Variants in CCDC171 observed in about 807,000 individuals in gnomAD.
The protein encoded by CCDC171 is coiled-coil domain-containing protein 171.
In CCDC171, 177 loss-of-function variants were observed where a neutral mutation model predicts 168.2. The observed-to-expected ratio is 1.05, with a 90% confidence interval of 0.93 to 1.19. CCDC171 has a LOEUF of 1.19. Ranked by LOEUF, CCDC171 falls within the 50% of genes most tolerant of loss-of-function variation. The probability of loss-of-function intolerance (pLI) is 0.00; values close to 1 mark genes in which losing one functional copy is unlikely to be tolerated. For synonymous variants in CCDC171, 687 were observed against 540.8 expected, an observed-to-expected ratio of 1.27 and a Z score of -3.75; for missense variants, 1,991 against 1,539.0, an observed-to-expected ratio of 1.29 and a Z score of -4.91.
At chr9:15,927,058 G>A (rs971559180) in intron 25 of CCDC171, among the ~76,000 whole-genome samples, 5 of 151,590 alleles carry the variant, frequency 3.3e-5, no homozygotes, top group African/African-American at 1.2e-4. Context: ...AAAAACATAT[G>A]TCATGTCATT....
Position 15,591,461 on chromosome 9 carries a change from C to G in CCDC171, c.448C>G (p.His150Asp). 6.2e-7 allele frequency: 1 copy of G among 1,607,168 alleles called. No individual in the cohort carries two copies. The change falls in exon 5 of 26, where the codon CAT (histidine) becomes GAT (aspartate). Residue 150 changes from histidine to aspartate, a missense_variant. Transcript: ENST00000380701. The stretch of plus-strand genomic sequence containing the variant: ...GAAAGAAGAATGCAGAAGATTTGAA[C>G]ATGATTTGGAGGAAAGAGACAATAT... Reference protein sequence around the residue: ...KWKEECRRFEHDLEERDNMIQ... With the variant: ...KWKEECRRFEDDLEERDNMIQ...
chr9:15,755,355 A>G, intron 18 of CCDC171, among the ~76,000 whole-genome samples: 1 of 152,178 alleles, frequency 6.6e-6, no homozygotes, highest in East Asian at 1.9e-4. Context: ...ATGCTTTGGA[A>G]AAGAGTCTGG....
chr9:15,958,377 T>G (rs1830012842), intron 25 of CCDC171, among the ~76,000 whole-genome samples: 1 of 152,054 alleles, frequency 6.6e-6, no homozygotes, highest in African/African-American at 2.4e-5. Context: ...TTTAATTTTA[T>G]ATTAAATTTT....
intron 23 of CCDC171, among the ~76,000 whole-genome samples, chr9:15,864,848 C>G (rs2061709495): frequency 6.6e-6 from 1 of 151,902 alleles, no homozygotes; most frequent in Non-Finnish European, 1.5e-5. Context: ...GAAGAAGAAG[C>G]TAATAATTTT....
chr9:16,018,931 G>T (rs1271810350), intron 3 of CCDC171, among the ~76,000 whole-genome samples: 1 of 152,110 alleles, frequency 6.6e-6, no homozygotes, highest in East Asian at 1.9e-4. Flanking sequence ...ATGCCTTTTT[G>T]CCATTTGACT....
At chr9:15,771,909 T>C (rs1483148983) in intron 18 of CCDC171, among the ~76,000 whole-genome samples, 1 of 152,168 alleles carries the variant, frequency 6.6e-6, no homozygotes. Flanking sequence ...CTCAGTTCAC[T>C]GCAACCTCTG....
intron 1 of CCDC171, among the ~76,000 whole-genome samples, chr9:16,050,612 C>T (rs1240196469): frequency 4.6e-5 from 7 of 152,260 alleles, no homozygotes; most frequent in Admixed American, 2.6e-4. Flanking sequence ...GGTTCTAATT[C>T]GTTTTATGCA....
intron 18 of CCDC171, among the ~76,000 whole-genome samples, chr9:15,754,498 G>C (rs968575999): frequency 6.6e-6 from 1 of 152,106 alleles, no homozygotes; most frequent in Non-Finnish European, 1.5e-5. Context: ...TGTGAATGTA[G>C]AGTATAACAT....
intron 3 of CCDC171, among the ~76,000 whole-genome samples, chr9:15,573,302 G>C (rs796098197): frequency 1.3e-5 from 2 of 152,112 alleles, no homozygotes; most frequent in African/African-American, 4.8e-5. Flanking sequence ...TTGAGACGAA[G>C]TCTCGCTCTG....
At chr9:15,808,434 G>C (rs2059173756) in intron 21 of CCDC171, among the ~76,000 whole-genome samples, 2 of 152,216 alleles carry the variant, frequency 1.3e-5, no homozygotes, top group African/African-American at 4.8e-5. Flanking sequence ...AGGGATGATA[G>C]AGTCCAAACA....
intron 3 of CCDC171, among the ~76,000 whole-genome samples, chr9:15,993,626 G>A (rs1009525173): frequency 2.0e-5 from 3 of 152,164 alleles, no homozygotes; most frequent in African/African-American, 7.2e-5. Flanking sequence ...CTTCTGCACA[G>A]CAAAAGAAAC....
At chr9:16,107,556 C>G in the CCDC171 span, among the ~76,000 whole-genome samples, 2 of 152,112 alleles carry the variant, frequency 1.3e-5, no homozygotes, top group African/African-American at 4.8e-5. Context: ...GTGTATCACA[C>G]ACACACATAT....
At chr9:16,038,469 G>C (rs1833512432), upstream of CCDC171, among the ~76,000 whole-genome samples, 1 of 152,112 alleles carries the variant, frequency 6.6e-6, no homozygotes, top group African/African-American at 2.4e-5. Flanking sequence ...TAGGTAAGTA[G>C]AAATGACATT....
At chr9:15,577,121 CTCT>C (rs1317131908) in intron 3 of CCDC171, among the ~76,000 whole-genome samples, 1 of 152,186 alleles carries the variant, frequency 6.6e-6, no homozygotes, top group East Asian at 1.9e-4. Flanking sequence ...CCTGGTGAAA[CTCT>C]TCATTGAACT....
chr9:15,969,012 A>G (rs1018103454), intron 25 of CCDC171, among the ~76,000 whole-genome samples: 71 of 152,340 alleles, frequency 4.7e-4, no homozygotes, highest in African/African-American at 1.7e-3. Context: ...TTTGGGGGGT[A>G]CAAGACTTTA....
chr9:15,775,561 G>A (rs1051567358), intron 18 of CCDC171, among the ~76,000 whole-genome samples: 4 of 152,066 alleles, frequency 2.6e-5, no homozygotes, highest in African/African-American at 4.8e-5. Flanking sequence ...CTCGTGATCT[G>A]CCTGCCTTAG....
At chr9:15,648,073 G>A (rs2047193687) in intron 7 of CCDC171, among the ~76,000 whole-genome samples, 1 of 152,240 alleles carries the variant, frequency 6.6e-6, no homozygotes, top group Admixed American at 6.5e-5. Context: ...TTCATCCCTG[G>A]GATGCAAGGC....
At chr9:15,691,849 T>C (rs1013559024) in intron 10 of CCDC171, among the ~76,000 whole-genome samples, 1 of 151,994 alleles carries the variant, frequency 6.6e-6, no homozygotes, top group African/African-American at 2.4e-5. Context: ...GTCTGGTTTT[T>C]CATTTTTTTG....
At chr9:16,066,412 C>T (rs117642365), downstream of CCDC171, among the ~76,000 whole-genome samples, 81 of 151,906 alleles carry the variant, frequency 5.3e-4, no homozygotes, top group East Asian at 0.015. Flanking sequence ...TGTCATGCCA[C>T]CTATAACCGT....
Sources: gnomAD v4.1 joint callset for allele counts (sites outside exome capture counted in the v4.1 genomes callset) on GRCh38, gnomAD v4.1.1 for gene constraint, MANE v1.5 for transcripts, NCBI Gene and HGNC (gene_info 2026-07-23, HGNC 2026-07-21) for gene names.